RSU1: variants seen among roughly 807,000 people sequenced by gnomAD.
RSU1 encodes rsu-1.
Under a neutral mutation model 31.1 loss-of-function variants are expected in RSU1, and 26 were observed. That is an observed-to-expected ratio of 0.84 (90% CI 0.61 to 1.16). The LOEUF (loss-of-function observed/expected upper bound fraction) is 1.16, where lower values mean the gene tolerates loss of function less well. RSU1 is among the 50% of genes most tolerant of loss of function. The pLI is 0.00. For synonymous variants in RSU1, 164 were observed against 136.3 expected (o/e 1.20, Z -1.41); for missense variants, 320 against 339.1 (o/e 0.94, Z 0.44).
intron 8 of RSU1, among the ~76,000 whole-genome samples, chr10:16,675,082 T>C (rs1835202045): frequency 6.6e-6 from 1 of 151,332 alleles, no homozygotes; most frequent in Non-Finnish European, 1.5e-5. Flanking sequence ...TGGTACATAC[T>C]GTAACCCCAG....
At chr10:16,815,185 G>C (rs1269132407) in intron 2 of RSU1, among the ~76,000 whole-genome samples, 1 of 152,224 alleles carries the variant, frequency 6.6e-6, no homozygotes, top group Non-Finnish European at 1.5e-5. Context: ...CTGCTCAGTT[G>C]CTGACAGCAA....
chr10:16,594,648 G>C (rs1355075656), intron 8 of RSU1, among the ~76,000 whole-genome samples: 4 of 141,938 alleles, frequency 2.8e-5, no homozygotes, highest in Non-Finnish European at 3.0e-5. Context: ...TGATATATAT[G>C]ATATATATCA....
intron 8 of RSU1, among the ~76,000 whole-genome samples, chr10:16,636,890 G>T (rs1834352445): frequency 6.6e-6 from 1 of 151,990 alleles, no homozygotes; most frequent in South Asian, 2.1e-4. Flanking sequence ...CCACCATTGG[G>T]CACAATACAC....
intron 8 of RSU1, among the ~76,000 whole-genome samples, chr10:16,662,306 G>A (rs957123133): frequency 2.6e-5 from 4 of 152,120 alleles, no homozygotes; most frequent in African/African-American, 9.7e-5. Context: ...TTCTCTTTGA[G>A]AAATACTGGT....
intron 4 of RSU1, among the ~76,000 whole-genome samples, chr10:16,762,198 G>T (rs2131629248): frequency 6.6e-6 from 1 of 152,080 alleles, no homozygotes; most frequent in Non-Finnish European, 1.5e-5. Context: ...TGGAATCAAT[G>T]AAAACGTAAA....
chr10:16,740,489 C>T (rs1836728086), intron 7 of RSU1, among the ~76,000 whole-genome samples: 1 of 152,118 alleles, frequency 6.6e-6, no homozygotes, highest in Non-Finnish European at 1.5e-5. Flanking sequence ...CTAGAAGTTG[C>T]AGCCAAAGTA....
intron 7 of RSU1, chr10:16,721,795 C>T (rs938784144): frequency 1.3e-5 from 2 of 152,116 alleles, no homozygotes; most frequent in African/African-American, 4.8e-5. Context: ...GATGTACTAG[C>T]AATATGAACT....
At chr10:16,659,956 A>G (rs189118239) in intron 8 of RSU1, among the ~76,000 whole-genome samples, 1 of 152,336 alleles carries the variant, frequency 6.6e-6, no homozygotes, top group East Asian at 1.9e-4. Flanking sequence ...TTTCTCCACT[A>G]GTGGGAAATA....
chr10:16,648,786 A>G (rs1834626025), intron 8 of RSU1, among the ~76,000 whole-genome samples: 1 of 146,728 alleles, frequency 6.8e-6, no homozygotes, highest in African/African-American at 2.5e-5. Context: ...TTAAATAAAT[A>G]AATAAATAAA....
At chr10:16,608,257 C>T (rs538418172) in intron 8 of RSU1, among the ~76,000 whole-genome samples, 1 of 152,316 alleles carries the variant, frequency 6.6e-6, no homozygotes, top group South Asian at 2.1e-4. Flanking sequence ...CCTATAATCT[C>T]AGCACTTTCG....
chr10:16,792,212 C>T (rs140699629), intron 2 of RSU1, among the ~76,000 whole-genome samples: 1 of 152,276 alleles, frequency 6.6e-6, no homozygotes, highest in East Asian at 1.9e-4. Flanking sequence ...ACTAAAAAGG[C>T]CTTTGCTATC....
At chr10:16,648,942 TAAAG>T (rs1206461753) in intron 8 of RSU1, among the ~76,000 whole-genome samples, 1 of 152,174 alleles carries the variant, frequency 6.6e-6, no homozygotes, top group African/African-American at 2.4e-5. Context: ...CATTTATTTA[TAAAG>T]AAAGACTTCT....
intron 8 of RSU1, among the ~76,000 whole-genome samples, chr10:16,683,387 A>T (rs1420245084): frequency 6.6e-6 from 1 of 152,212 alleles, no homozygotes; most frequent in African/African-American, 2.4e-5. Flanking sequence ...ATTATTTCAT[A>T]TGTGTTTATA....
At chr10:16,609,462 C>T (rs900267328) in intron 8 of RSU1, among the ~76,000 whole-genome samples, 1 of 152,198 alleles carries the variant, frequency 6.6e-6, no homozygotes, top group Non-Finnish European at 1.5e-5. Flanking sequence ...CCACAAAACA[C>T]CCCTGGAAGG....
At chr10:16,609,085 G>A (rs535986414) in intron 8 of RSU1, among the ~76,000 whole-genome samples, 1 of 152,214 alleles carries the variant, frequency 6.6e-6, no homozygotes, top group East Asian at 1.9e-4. Context: ...CTCCTGCCTT[G>A]GCCTGAGACC....
At chr10:16,777,264 T>TAA (rs55960264) in intron 3 of RSU1, among the ~76,000 whole-genome samples, 1 of 146,328 alleles carries the variant, frequency 6.8e-6, no homozygotes, top group Non-Finnish European at 1.5e-5. Flanking sequence ...TTCCACAGAT[T>TAA]AAAAAAAAAA....
At chr10:16,788,950 C>T (rs142247633) in intron 2 of RSU1, among the ~76,000 whole-genome samples, 1 of 152,280 alleles carries the variant, frequency 6.6e-6, no homozygotes, top group African/African-American at 2.4e-5. Flanking sequence ...CACCTGCAGA[C>T]CATCCATCTG....
At chr10:16,614,197 A>G (rs1833938271) in intron 8 of RSU1, among the ~76,000 whole-genome samples, 1 of 152,250 alleles carries the variant, frequency 6.6e-6, no homozygotes. Flanking sequence ...ATTTCAAATT[A>G]GGTATAACAT....
intron 8 of RSU1, among the ~76,000 whole-genome samples, chr10:16,652,506 A>G (rs192478248): frequency 1.3e-5 from 2 of 151,882 alleles, no homozygotes; most frequent in African/African-American, 4.8e-5. Flanking sequence ...CTAAACTGGT[A>G]TACTGGTTAT....
Sources: allele counts gnomAD v4.1 joint callset (sites outside exome capture counted in the v4.1 genomes callset), GRCh38; gene constraint gnomAD v4.1.1; transcripts MANE v1.5; gene names NCBI Gene and HGNC (gene_info 2026-07-23, HGNC 2026-07-21).